The following PDE11A variants were observed in gnomAD, a reference collection of about 807,000 sequenced individuals.
PDE11A encodes dual 3',5'-cyclic-AMP and -GMP phosphodiesterase 11A.
In PDE11A, 100 loss-of-function variants were observed where a neutral mutation model predicts 100.5. The observed-to-expected ratio is 1.00, with a 90% CI of 0.85 to 1.18. PDE11A has a LOEUF of 1.18. Ranked by LOEUF, PDE11A falls within the 50% of genes most tolerant of loss-of-function variation. The pLI is 0.00. For missense variants in PDE11A, 1,141 were observed against 1,152.6 expected (o/e 0.99, Z 0.15); for synonymous variants, 381 against 420.8 (o/e 0.91, Z 1.16).
chr2:177,828,531 G>GA (rs2083261828), intron 6 of PDE11A, among the ~76,000 whole-genome samples: 1 of 152,124 alleles, frequency 6.6e-6, no homozygotes, highest in Admixed American at 6.5e-5. Context: ...AGATGATAGG[G>GA]AAAAAACAGA....
chr2:177,885,453 C>A, intron 4 of PDE11A, among the ~76,000 whole-genome samples: 1 of 152,216 alleles, frequency 6.6e-6, no homozygotes, highest in Non-Finnish European at 1.5e-5. Flanking sequence ...AACCAATACC[C>A]AACAGATACT....
chr2:178,002,810 G>T (rs544407005), intron 2 of PDE11A, among the ~76,000 whole-genome samples: 2 of 152,274 alleles, frequency 1.3e-5, no homozygotes, highest in East Asian at 3.9e-4. Flanking sequence ...TTTTAAAAAT[G>T]ATTGAAGCTG....
At position 177,627,509 on chromosome 2, in the gene PDE11A, A is replaced by G. The variant is rs1008932726; in HGVS notation, c.*1898T>C. ...ATGTCGCATGTAGAACATGGCCCCTATTTCTTTAATATCTGTAAAGTTAAT... is the reference window on the plus strand; with the variant it reads ...ATGTCGCATGTAGAACATGGCCCCTGTTTCTTTAATATCTGTAAAGTTAAT... On this transcript the variant is annotated 3_prime_UTR_variant, in exon 20 of 20. Coordinates refer to ENST00000286063, the MANE Select transcript of PDE11A (RefSeq NM_016953.4). 2.6e-5 allele frequency: 4 copies of G among 151,712 alleles called. No homozygotes were observed. Among genetic ancestry groups the G allele is most frequent in the Non-Finnish European group, 5.9e-5 (4 of 67,958 alleles). 9.4% of individuals were successfully genotyped at this position (151,712 alleles called of 1,614,324 possible). A position where few individuals can be genotyped will look rare whatever the true frequency, so the allele number is the denominator to read the frequency against.
At position 178,072,253 on chromosome 2, in the gene PDE11A, GC is replaced by G; in HGVS notation, c.184del (p.Ala62LeufsTer37). 1 of 1,613,546 alleles carries G rather than the reference GC, an allele frequency of 6.2e-7. No homozygotes were observed. The highest frequency in any genetic ancestry group is 8.5e-7 in the Non-Finnish European group (1 of 1,179,716). ...GCTGCCACCTCTGCAGGTGCTGTGA[GC>G]CAAGCTGCTGGTACCAGCCAAAGAG... ...RPSLAGTSSLAHSTCRGGSSV... is the reference protein window; with the variant it reads ...RPSLAGTSSLXHSTCRGGSSV... On this transcript the variant is annotated frameshift_variant, in exon 1 of 20. Coordinates refer to ENST00000286063, the MANE Select transcript of PDE11A (RefSeq NM_016953.4). LOFTEE classifies it high-confidence loss of function.
At chr2:178,035,091 GT>G (rs895552317) in intron 1 of PDE11A, among the ~76,000 whole-genome samples, 28 of 151,190 alleles carry the variant, frequency 1.9e-4, no homozygotes, top group African/African-American at 3.9e-4. Context: ...TCCAGGAGCT[GT>G]TTTTTTTTAA....
intron 18 of PDE11A, among the ~76,000 whole-genome samples, chr2:177,667,722 A>G (rs1367653441): frequency 2.0e-5 from 3 of 152,172 alleles, no homozygotes; most frequent in African/African-American, 4.8e-5. Context: ...CCTTGAGGGC[A>G]GGGAAGATGG....
chr2:178,015,424 CA>C (rs199989786), intron 1 of PDE11A, among the ~76,000 whole-genome samples: 3 of 150,402 alleles, frequency 2.0e-5, no homozygotes, highest in East Asian at 1.9e-4. Flanking sequence ...TCATGAAAGA[CA>C]AAAAAAAAGT....
exon 2 of PDE11A, chr2:178,104,377 T>G: frequency 6.2e-7 from 1 of 1,614,132 alleles, no homozygotes; most frequent in Non-Finnish European, 8.5e-7. Flanking sequence ...CCCCAGAGAT[T>G]TGGACCAGTC....
At chr2:178,047,421 C>A (rs2086765306) in intron 1 of PDE11A, among the ~76,000 whole-genome samples, 1 of 151,420 alleles carries the variant, frequency 6.6e-6, no homozygotes, top group Non-Finnish European at 1.5e-5. Context: ...CAAGATCATG[C>A]CACTGCACTA....
At chr2:178,072,847 G>A (rs986549426), upstream of PDE11A, 7 of 1,170,440 alleles carry the variant, frequency 6.0e-6, no homozygotes, top group African/African-American at 9.6e-5. Context: ...GAGCCTGGAG[G>A]GAGGAGAGAA....
At chr2:177,835,908 T>C (rs2083390736) in intron 6 of PDE11A, among the ~76,000 whole-genome samples, 1 of 152,206 alleles carries the variant, frequency 6.6e-6, no homozygotes, top group Non-Finnish European at 1.5e-5. Context: ...GCTGCCTCCC[T>C]GCTGGGCAGA....
chr2:177,630,520 G>A (rs2079903065), intron 19 of PDE11A, among the ~76,000 whole-genome samples: 1 of 152,050 alleles, frequency 6.6e-6, no homozygotes, highest in Non-Finnish European at 1.5e-5. Flanking sequence ...TTCTGAACTG[G>A]GACTAGAACA....
intron 2 of PDE11A, among the ~76,000 whole-genome samples, chr2:177,994,167 G>C (rs1207453053): frequency 6.6e-6 from 1 of 152,112 alleles, no homozygotes; most frequent in East Asian, 1.9e-4. Context: ...CTGAGCTCAA[G>C]TGATCCATCC....
chr2:178,003,152 G>A (rs1413294987), intron 2 of PDE11A, among the ~76,000 whole-genome samples: 7 of 152,062 alleles, frequency 4.6e-5, no homozygotes, highest in Non-Finnish European at 1.0e-4. Flanking sequence ...TCCTCAAAAG[G>A]TTAAACACTA....
chr2:177,722,327 T>C (rs1202013344), intron 12 of PDE11A, among the ~76,000 whole-genome samples: 1 of 152,144 alleles, frequency 6.6e-6, no homozygotes, highest in African/African-American at 2.4e-5. Flanking sequence ...GGAGAATTTA[T>C]TTTCACTAGA....
At chr2:177,902,458 A>C (rs1036605845) in intron 3 of PDE11A, among the ~76,000 whole-genome samples, 1 of 152,166 alleles carries the variant, frequency 6.6e-6, no homozygotes, top group Non-Finnish European at 1.5e-5. Context: ...GACAATATCC[A>C]ATTCAACAGA....
chr2:177,723,440 C>T (rs1299140047), intron 12 of PDE11A, among the ~76,000 whole-genome samples: 3 of 152,126 alleles, frequency 2.0e-5, no homozygotes, highest in African/African-American at 7.2e-5. Context: ...ACCAGCGCCA[C>T]GCTGCCTGCA....
chr2:178,081,572 C>A (rs1188565791), intron 2 of PDE11A, among the ~76,000 whole-genome samples: 1 of 152,200 alleles, frequency 6.6e-6, no homozygotes, highest in Admixed American at 6.5e-5. Flanking sequence ...TGCCTGCATT[C>A]TTTCACCCAT....
At chr2:177,784,317 A>G (rs549830323) in intron 9 of PDE11A, among the ~76,000 whole-genome samples, 2 of 151,902 alleles carry the variant, frequency 1.3e-5, no homozygotes, top group East Asian at 3.9e-4. Flanking sequence ...TAATTATAAT[A>G]TATTAGCATA....
Sources: allele counts gnomAD v4.1 joint callset (sites outside exome capture counted in the v4.1 genomes callset), GRCh38; gene constraint gnomAD v4.1.1; transcripts MANE v1.5; gene names NCBI Gene and HGNC (gene_info 2026-07-23, HGNC 2026-07-21).